Variants in MINDY4 observed in about 807,000 individuals in gnomAD.
The protein encoded by MINDY4 is probable ubiquitin carboxyl-terminal hydrolase MINDY-4.
A neutral mutation model predicts 87.0 loss-of-function variants in MINDY4; 68 were observed. The observed-to-expected ratio is 0.78, with a 90% CI of 0.64 to 0.96. The LOEUF (loss-of-function observed/expected upper bound fraction) is 0.96. MINDY4 is among the 40% of genes least tolerant of loss of function. The pLI is 0.00. For synonymous variants in MINDY4, 379 were observed against 363.2 expected, an observed-to-expected ratio of 1.04 and a Z score of -0.50; for missense variants, 919 against 928.2, an observed-to-expected ratio of 0.99 and a Z score of 0.13.
chr7:30,808,369 T>C (rs1462534436), intron 5 of MINDY4, among the ~76,000 whole-genome samples: 1 of 152,198 alleles, frequency 6.6e-6, no homozygotes, highest in African/African-American at 2.4e-5. Context: ...TGCTTGATAC[T>C]TTGGTTTTGG....
chr7:30,782,803 TCAGA>T (rs770059962), intron 3 of MINDY4, among the ~76,000 whole-genome samples: 28 of 152,176 alleles, frequency 1.8e-4, no homozygotes, highest in Non-Finnish European at 3.8e-4. Context: ...ATCTGGAAAC[TCAGA>T]CAGGATTTTT....
chr7:30,888,276 A>G (rs1008055548), intron 17 of MINDY4, among the ~76,000 whole-genome samples: 2 of 152,216 alleles, frequency 1.3e-5, no homozygotes, highest in Non-Finnish European at 2.9e-5. Context: ...AGTGGTCTCA[A>G]CGGGACAATT....
Position 30,771,432 on chromosome 7 carries a change from G to T in MINDY4, c.-62G>T. 3.2e-6 allele frequency: 5 copies of T among 1,551,210 alleles called. No individual in the cohort carries two copies. The highest frequency in any genetic ancestry group is 3.5e-6 in the Non-Finnish European group (4 of 1,143,052). ...CAACGCGGCCATACTGCGCCGGACA[G>T]ACCCAGTTGCCTGGTGCTGCGGCCC... On this transcript the variant is annotated 5_prime_UTR_variant, in exon 1 of 18. Transcript: ENST00000265299.
intron 9 of MINDY4, 93 bp from the exon 10 acceptor site, chr7:30,850,361 G>T: frequency 8.5e-7 from 1 of 1,181,680 alleles, no homozygotes; most frequent in African/African-American, 1.5e-5. Context: ...CAGGCCATCT[G>T]CGGAGGGGAC....
At chr7:30,859,155 T>G (rs1789672345) in intron 12 of MINDY4, 102 bp from the exon 13 acceptor site, 1 of 1,197,678 alleles carries the variant, frequency 8.3e-7, no homozygotes. Context: ...GGCAGTTGGC[T>G]CAGGGCAGGC....
chr7:30,870,836 C>A (rs1457125413), intron 13 of MINDY4, among the ~76,000 whole-genome samples: 1 of 152,216 alleles, frequency 6.6e-6, no homozygotes, highest in Non-Finnish European at 1.5e-5. Context: ...AAATGTTATA[C>A]CTGGCCTCTC....
intron 8 of MINDY4, among the ~76,000 whole-genome samples, 153 bp downstream of exon 8, chr7:30,839,469 G>A (rs1455245375): frequency 6.6e-6 from 1 of 152,220 alleles, no homozygotes; most frequent in Non-Finnish European, 1.5e-5. Context: ...CTTGGTGCAG[G>A]CACTTCAGAT....
At chr7:30,859,021 T>C in intron 12 of MINDY4, 1 of 707,920 alleles carries the variant, frequency 1.4e-6, no homozygotes, top group Non-Finnish European at 2.6e-6. Flanking sequence ...AGGTCACTGA[T>C]GCTCTCTTTG....
intron 11 of MINDY4, among the ~76,000 whole-genome samples, chr7:30,852,930 T>C (rs1221456137): frequency 6.6e-6 from 1 of 152,238 alleles, no homozygotes; most frequent in Non-Finnish European, 1.5e-5. Context: ...GAAGTGTTTT[T>C]TCCTGGCCTG....
chr7:30,867,714 T>C lies in MINDY4; in HGVS notation c.1746-4529T>C, dbSNP rs1457190349. Among the ~76,000 whole-genome samples, 4 of 151,994 alleles carry C rather than the reference T, an allele frequency of 2.6e-5. No individual in the cohort carries two copies. The South Asian group carries it at 6.2e-4, about 24-fold the overall frequency. On this transcript the variant is annotated intron_variant, in intron 13 of 17. Coordinates refer to ENST00000265299, the MANE Select transcript of MINDY4 (RefSeq NM_032222.3). ...TCACTGCTGGTGGGTGGGGGAAGTG[T>C]GGTCAAGGGTCAGTTTCTGAGAGTG... is the stretch of plus-strand genomic sequence containing the variant.
intron 2 of MINDY4, 82 bp from the exon 3 acceptor site, chr7:30,781,895 A>C: frequency 1.1e-6 from 1 of 939,264 alleles, no homozygotes; most frequent in Non-Finnish European, 1.6e-6. Flanking sequence ...AAACTTAGTC[A>C]AAGAAGTGGA....
At chr7:30,818,961 CTT>C (rs1314310642) in intron 5 of MINDY4, among the ~76,000 whole-genome samples, 1 of 152,182 alleles carries the variant, frequency 6.6e-6, no homozygotes, top group Non-Finnish European at 1.5e-5. Context: ...TTTATACTCT[CTT>C]CTCTTTATCA....
At chr7:30,797,012 C>T (rs555656762) in intron 5 of MINDY4, 3 of 152,290 alleles carry the variant, frequency 2.0e-5, no homozygotes, top group South Asian at 4.1e-4. Context: ...GTACTGGCTT[C>T]GAATGCTGAT....
intron 5 of MINDY4, among the ~76,000 whole-genome samples, chr7:30,816,574 A>G (rs1210075617): frequency 1.3e-5 from 2 of 152,150 alleles, no homozygotes; most frequent in East Asian, 1.9e-4. Flanking sequence ...TGGCTTTTCC[A>G]GGAGGATGCG....
At chr7:30,799,987 T>C (rs1018157936) in intron 5 of MINDY4, among the ~76,000 whole-genome samples, 23 of 152,104 alleles carry the variant, frequency 1.5e-4, no homozygotes, top group African/African-American at 5.6e-4. Flanking sequence ...CTCTTAGTCA[T>C]TGGCTGTGGG....
At chr7:30,851,352 A>T (rs540064668) in intron 10 of MINDY4, among the ~76,000 whole-genome samples, 6 of 152,200 alleles carry the variant, frequency 3.9e-5, no homozygotes, top group South Asian at 2.1e-4. Context: ...ACTCATCTGG[A>T]AAATGGGGAT....
At chr7:30,861,470 C>T (rs1377222137) in intron 13 of MINDY4, among the ~76,000 whole-genome samples, 1 of 152,244 alleles carries the variant, frequency 6.6e-6, no homozygotes, top group Non-Finnish European at 1.5e-5. Context: ...CAAGATTATA[C>T]AGCAAGTAAA....
intron 5 of MINDY4, among the ~76,000 whole-genome samples, chr7:30,793,110 G>A (rs1243024440): frequency 7.0e-6 from 1 of 142,258 alleles, no homozygotes; most frequent in African/African-American, 2.6e-5. Flanking sequence ...ATACATTTAG[G>A]GTTTTTTTTG....
chr7:30,844,758 G>A (rs1789153699), intron 9 of MINDY4, among the ~76,000 whole-genome samples: 1 of 152,202 alleles, frequency 6.6e-6, no homozygotes, highest in Non-Finnish European at 1.5e-5. Context: ...CCCTGGGAGA[G>A]GGGAAGGGTG....
Sources: allele counts gnomAD v4.1 joint callset (sites outside exome capture counted in the v4.1 genomes callset), GRCh38; gene constraint gnomAD v4.1.1; transcripts MANE v1.5; gene names NCBI Gene and HGNC (gene_info 2026-07-23, HGNC 2026-07-21).